The following CACNB4 variants were observed in gnomAD, a reference collection of about 807,000 sequenced individuals.
CACNB4 encodes voltage-dependent L-type calcium channel subunit beta-4.
In CACNB4, 32 loss-of-function variants were observed where a neutral mutation model predicts 71.2. The ratio of observed to expected loss-of-function variants is 0.45; its 90% CI spans 0.34 to 0.60. The LOEUF is 0.60. Among genes scored for constraint, CACNB4 ranks in the 20% least tolerant of loss-of-function variants. CACNB4 has a pLI of 0.01. For synonymous variants in CACNB4, 231 were observed against 236.9 expected (o/e 0.97, Z 0.23); for missense variants, 464 against 647.9 (o/e 0.72, Z 3.08).
At chr2:151,846,431 A>G (rs1479107638) in intron 12 of CACNB4, among the ~76,000 whole-genome samples, 1 of 152,220 alleles carries the variant, frequency 6.6e-6, no homozygotes, top group Non-Finnish European at 1.5e-5. Context: ...ATTAAAACTA[A>G]TGCATATTGT....
At chr2:151,924,635 T>C (rs2099859795) in intron 2 of CACNB4, among the ~76,000 whole-genome samples, 1 of 151,998 alleles carries the variant, frequency 6.6e-6, no homozygotes, top group Non-Finnish European at 1.5e-5. Context: ...GAATTACTTA[T>C]ATTAGGAATC....
intron 2 of CACNB4, among the ~76,000 whole-genome samples, chr2:152,082,558 A>G (rs550408688): frequency 1.3e-5 from 2 of 152,312 alleles, no homozygotes; most frequent in South Asian, 4.1e-4. Flanking sequence ...TTGACCACAT[A>G]CATCTGTGGA....
chr2:151,839,516 G>T, intron 13 of CACNB4, 137 bp from the exon 14 acceptor site: 1 of 671,914 alleles, frequency 1.5e-6, no homozygotes, highest in Non-Finnish European at 2.6e-6. Context: ...ATGCACCAAT[G>T]ATCTGCTTAG....
At chr2:152,027,784 G>A (rs1285300404) in intron 2 of CACNB4, among the ~76,000 whole-genome samples, 2 of 150,976 alleles carry the variant, frequency 1.3e-5, no homozygotes, top group Admixed American at 6.6e-5. Context: ...CCCGGGAGGC[G>A]GAGGTTGCAG....
Position 151,876,417 on chromosome 2 carries a change from G to A in CACNB4, c.521+9C>T, listed in dbSNP as rs747291810. The A allele has an allele frequency of 4.7e-5, 75 of 1,594,872 alleles. 1 individual carries two copies. In the South Asian group the frequency reaches 7.8e-4, roughly 17 times the overall value. On this transcript the variant is annotated intron_variant, in intron 5 of 13. Transcript: ENST00000539935. The stretch of plus-strand genomic sequence containing the variant: ...CAAAAAAAAGTGCATAGAAAAGATG[G>A]GAACGTACCCTCCGTGAAAACGTCC...
intron 2 of CACNB4, among the ~76,000 whole-genome samples, chr2:151,924,940 T>C (rs907504649): frequency 6.6e-6 from 1 of 152,240 alleles, no homozygotes; most frequent in Non-Finnish European, 1.5e-5. Flanking sequence ...CGGATGAAAC[T>C]TTCTGACCTA....
At chr2:151,891,835 T>C (rs983569382) in intron 2 of CACNB4, among the ~76,000 whole-genome samples, 4 of 152,152 alleles carry the variant, frequency 2.6e-5, no homozygotes, top group African/African-American at 4.8e-5. Context: ...CTTTACTATA[T>C]ACAGGTCACA....
intron 2 of CACNB4, among the ~76,000 whole-genome samples, chr2:151,924,399 T>C (rs1241756931): frequency 2.0e-5 from 3 of 151,708 alleles, no homozygotes; most frequent in South Asian, 4.2e-4. Flanking sequence ...ATCTCTTACA[T>C]TGCAGCTATT....
chr2:151,898,383 C>T (rs1201050492), intron 2 of CACNB4, among the ~76,000 whole-genome samples: 2 of 152,178 alleles, frequency 1.3e-5, no homozygotes, highest in South Asian at 2.1e-4. Flanking sequence ...AGAGCACTGT[C>T]GCAACCTCTG....
chr2:152,043,777 T>C (rs1202949757), intron 2 of CACNB4, among the ~76,000 whole-genome samples: 1 of 152,220 alleles, frequency 6.6e-6, no homozygotes, highest in Non-Finnish European at 1.5e-5. Flanking sequence ...ATAAATTGAC[T>C]GATAGAAACC....
intron 9 of CACNB4, chr2:151,867,618 C>A: frequency 6.6e-6 from 1 of 152,108 alleles, no homozygotes; most frequent in East Asian, 1.9e-4. Context: ...TCTTATTAAG[C>A]CTTTGTCCAG....
chr2:152,005,223 T>C (rs559949409), intron 2 of CACNB4, among the ~76,000 whole-genome samples: 15 of 152,312 alleles, frequency 9.8e-5, no homozygotes, highest in African/African-American at 3.6e-4. Context: ...CATGCATGTG[T>C]ATGTTCATCG....
chr2:151,937,121 T>C (rs553511056), intron 2 of CACNB4, among the ~76,000 whole-genome samples: 2 of 152,238 alleles, frequency 1.3e-5, no homozygotes, highest in Non-Finnish European at 2.9e-5. Flanking sequence ...TACCACTCCA[T>C]ATTCATTGTT....
chr2:151,876,364 C>G, intron 5 of CACNB4, 62 bp downstream of exon 5: 1 of 1,456,544 alleles, frequency 6.9e-7, no homozygotes, highest in Non-Finnish European at 9.5e-7. Context: ...AAGTATACAC[C>G]CTTGAAAATA....
intron 2 of CACNB4, among the ~76,000 whole-genome samples, chr2:151,926,756 C>T (rs558850595): frequency 7.2e-5 from 11 of 152,162 alleles, no homozygotes; most frequent in Non-Finnish European, 1.5e-4. Context: ...ACAGTAATTA[C>T]TGTACCCATC....
chr2:152,025,775 A>T (rs1683928419), intron 2 of CACNB4, among the ~76,000 whole-genome samples: 1 of 152,210 alleles, frequency 6.6e-6, no homozygotes, highest in Non-Finnish European at 1.5e-5. Context: ...GTGGTTTTTG[A>T]CAAGATTTCA....
intron 2 of CACNB4, among the ~76,000 whole-genome samples, chr2:152,082,866 G>A (rs1294328955): frequency 3.9e-5 from 6 of 152,208 alleles, no homozygotes; most frequent in Admixed American, 1.3e-4. Flanking sequence ...TGGTAGGCAC[G>A]ACCATGTGAA....
intron 12 of CACNB4, among the ~76,000 whole-genome samples, chr2:151,849,727 C>T (rs557180199): frequency 2.6e-5 from 4 of 152,322 alleles, no homozygotes; most frequent in African/African-American, 9.6e-5. Context: ...GCCCAGCCTT[C>T]AGCCATTTCT....
At chr2:151,840,093 G>A (rs2099835789) in intron 13 of CACNB4, among the ~76,000 whole-genome samples, 1 of 152,174 alleles carries the variant, frequency 6.6e-6, no homozygotes, top group South Asian at 2.1e-4. Context: ...CTCAGAAAAT[G>A]TTATTCAACA....
Sources: gnomAD v4.1 joint callset for allele counts (sites outside exome capture counted in the v4.1 genomes callset) on GRCh38, gnomAD v4.1.1 for gene constraint, MANE v1.5 for transcripts, NCBI Gene and HGNC (gene_info 2026-07-23, HGNC 2026-07-21) for gene names.